Variants in BICRA observed in about 807,000 individuals in gnomAD.
BICRA encodes BRD4 interacting chromatin remodeling complex associated protein.
In BICRA, 31 loss-of-function variants were observed where a neutral mutation model predicts 96.9. That is an observed-to-expected ratio of 0.32 (90% CI 0.24 to 0.43). The LOEUF (loss-of-function observed/expected upper bound fraction) is 0.43. Ranked by LOEUF, BICRA falls within the 20% of genes least tolerant of loss-of-function variation. The probability of loss-of-function intolerance (pLI) is 1.00; values close to 1 mark genes in which losing one functional copy is unlikely to be tolerated. For missense variants in BICRA, 2,283 were observed against 2,190.3 expected, an observed-to-expected ratio of 1.04 and a Z score of -0.84; for synonymous variants, 1,350 against 1,071.8, an observed-to-expected ratio of 1.26 and a Z score of -5.07.
At chr19:47,610,481 G>C (rs1437681688) in intron 1 of BICRA, among the ~76,000 whole-genome samples, 1 of 152,146 alleles carries the variant, frequency 6.6e-6, no homozygotes, top group Non-Finnish European at 1.5e-5. Flanking sequence ...GGGAGGTGGG[G>C]TCAGAGGCCG....
intron 1 of BICRA, among the ~76,000 whole-genome samples, chr19:47,669,756 A>C (rs8106156): frequency 0.32 from 48,323 of 151,292 alleles, 9,697 homozygotes; most frequent in African/African-American, 0.57. Flanking sequence ...TCACGGGTTC[A>C]CGCGATTCTC....
At chr19:47,630,237 T>C (rs1972202748) in intron 1 of BICRA, among the ~76,000 whole-genome samples, 1 of 147,294 alleles carries the variant, frequency 6.8e-6, no homozygotes, top group Non-Finnish European at 1.5e-5. Flanking sequence ...CTCGGCTCAC[T>C]GCAAGCTCCG....
chr19:47,702,507 G>T lies in BICRA; in HGVS notation c.*92G>T, dbSNP rs1266262207. The T allele has an allele frequency of 2.2e-6, 3 of 1,357,644 alleles. No individual in the cohort carries two copies. Among genetic ancestry groups the T allele is most frequent in the African/African-American group, 1.5e-5 (1 of 64,760 alleles). The allele number at this position is 1,357,644 out of a possible 1,614,324, so 84.1% of individuals were successfully genotyped here. On this transcript the variant is annotated 3_prime_UTR_variant, in exon 15 of 15. Transcript: ENST00000594866. ...TCAGCCTCCTGGGGACTCGAGCCGG[G>T]GATCCCCTGACGGTTTTTCTTGCCT...
In BICRA at chr19:47,698,491, T is replaced by A. The variant is rs1351010640; in HGVS notation, c.3249-143T>A. 3 of 630,154 alleles carry A rather than the reference T, an allele frequency of 4.8e-6. No homozygotes were observed. The highest frequency in any genetic ancestry group is 8.6e-6 in the Non-Finnish European group (3 of 349,172). 39.0% of individuals were successfully genotyped at this position (630,154 alleles called of 1,614,324 possible). ...AGATGGAACAAGCACGTTCAGTACA[T>A]GGGAACACCACTGCCCAAGTATTCC... On this transcript the variant is annotated intron_variant, in intron 11 of 14. Transcript: ENST00000594866. The surrounding 1 kb of genome is among the most constrained non-coding windows in gnomAD (Gnocchi z 4.8).
intron 5 of BICRA, among the ~76,000 whole-genome samples, chr19:47,677,738 C>T (rs75804104): frequency 0.062 from 9,423 of 152,250 alleles, 404 homozygotes; most frequent in Non-Finnish European, 0.097. Context: ...ACTCACAGTG[C>T]GGTTGGCACA....
chr19:47,675,119 A>G lies in BICRA; in HGVS notation c.85-732A>G, dbSNP rs370109327. 2.6e-5 allele frequency among the ~76,000 whole-genome samples: 4 copies of G among 152,004 alleles called. No individual in the cohort carries two copies. The highest frequency in any genetic ancestry group is 4.4e-5 in the Non-Finnish European group (3 of 67,998). The stretch of plus-strand genomic sequence containing the variant: ...TGGTGGACTCGATGTTGAGGGGGAG[A>G]GAGTGTCCACCATGGCTCCTGGATT... On this transcript the variant is annotated intron_variant, in intron 4 of 14. Coordinates refer to ENST00000594866, the MANE Select transcript of BICRA (RefSeq NM_001394372.1). The surrounding 1 kb of genome is among the most constrained non-coding windows in gnomAD (Gnocchi z 4.7).
intron 1 of BICRA, among the ~76,000 whole-genome samples, chr19:47,625,381 C>T (rs537580261): frequency 9.9e-5 from 15 of 151,698 alleles, no homozygotes; most frequent in African/African-American, 3.6e-4. Flanking sequence ...ACTGTGGCCT[C>T]CAACTCTTTT....
At chr19:47,638,315 G>A (rs978882805) in intron 1 of BICRA, among the ~76,000 whole-genome samples, 1 of 152,148 alleles carries the variant, frequency 6.6e-6, no homozygotes, top group Admixed American at 6.5e-5. Flanking sequence ...TTCAGCTCCC[G>A]GGAAGGCATA....
intron 10 of BICRA, 52 bp from the exon 11 acceptor site, chr19:47,696,399 G>A: frequency 4.6e-6 from 7 of 1,513,360 alleles, no homozygotes; most frequent in Non-Finnish European, 6.3e-6. Context: ...GCTGGTCGGG[G>A]GAGGGAAGGC....
At chr19:47,678,879 C>CTT (rs1195002520) in intron 5 of BICRA, 3 of 179,264 alleles carry the variant, frequency 1.7e-5, no homozygotes, top group Non-Finnish European at 1.1e-5. Flanking sequence ...GTTCTTTTTT[C>CTT]TTTTTTTTTT....
chr19:47,679,342 G>T lies in BICRA; in HGVS notation c.172G>T (p.Gly58Cys). 2 of 1,423,466 alleles carry T rather than the reference G, an allele frequency of 1.4e-6. No individual in the cohort carries two copies. Among genetic ancestry groups the T allele is most frequent in the Non-Finnish European group, 9.2e-7 (1 of 1,087,286 alleles). 88.2% of individuals were successfully genotyped at this position (1,423,466 alleles called of 1,614,324 possible). A position where few individuals can be genotyped will look rare whatever the true frequency, so the allele number is the denominator to read the frequency against. The change falls in exon 6 of 15, where the codon GGC (glycine) becomes TGC (cysteine). Residue 58 changes from glycine (G) to cysteine (C), a missense_variant. By Grantham distance (159) the Gly-to-Cys change is radical. Transcript: ENST00000594866. ...GCAGCTCCATGTGCAAGAAGCTTCC[G>T]GCAACCACCTGAACCCAGAGCCCAA... ...GPGLHVQEAS[G>C]NHLNPEPNQP...
chr19:47,667,558 G>C (rs987799462), intron 1 of BICRA, among the ~76,000 whole-genome samples: 3 of 152,124 alleles, frequency 2.0e-5, no homozygotes, highest in Non-Finnish European at 4.4e-5. Context: ...TTGGGAGCTC[G>C]TGCACACCTT....
intron 1 of BICRA, among the ~76,000 whole-genome samples, chr19:47,670,190 G>A (rs578020699): frequency 6.6e-6 from 1 of 151,926 alleles, no homozygotes; most frequent in African/African-American, 2.4e-5. Flanking sequence ...CTGAGCTCCA[G>A]TGATACTCCT....
At position 47,699,306 on chromosome 19, in the gene BICRA, G is replaced by A. The variant is rs1165582900; in HGVS notation, c.3496G>A (p.Val1166Met). The A allele has an allele frequency of 1.9e-6, 3 of 1,553,608 alleles. No homozygotes were observed. The highest frequency in any genetic ancestry group is 1.9e-5 in the Admixed American group (1 of 51,950). The change falls in exon 14 of 15, where the codon GTG (valine) becomes ATG (methionine). Residue 1166 changes from valine (V) to methionine (M), a missense_variant. Val to Met is a conservative substitution (Grantham distance 21, BLOSUM62 1). Coordinates refer to ENST00000594866, the MANE Select transcript of BICRA (RefSeq NM_001394372.1). The surrounding 1 kb of genome is among the most constrained non-coding windows in gnomAD (Gnocchi z 5.0). ...RLLLLEESRRVSPSAEMVMID... is the reference protein window; with the variant it reads ...RLLLLEESRRMSPSAEMVMID... ...GTCGTCTTTTCCCCCACCCCAGAGG[G>A]TGAGCCCCTCAGCGGAGATGGTAAT...
intron 1 of BICRA, among the ~76,000 whole-genome samples, chr19:47,640,775 A>G (rs1191426846): frequency 1.3e-5 from 2 of 152,092 alleles, no homozygotes; most frequent in Non-Finnish European, 2.9e-5. Flanking sequence ...CAGGGTTCCT[A>G]GCTGCAAGAA....
intron 1 of BICRA, among the ~76,000 whole-genome samples, chr19:47,625,022 CAG>C (rs1972120276): frequency 1.0e-5 from 1 of 98,536 alleles, no homozygotes; most frequent in Non-Finnish European, 1.9e-5. Context: ...TTTTTTGAGA[CAG>C]AGTCTCACTC....
intron 1 of BICRA, among the ~76,000 whole-genome samples, chr19:47,613,958 G>A (rs1394662292): frequency 6.6e-6 from 1 of 151,764 alleles, no homozygotes. Flanking sequence ...CACAAGCAGA[G>A]AAGGCCTTTG....
At chr19:47,695,223 G>C in intron 9 of BICRA, 142 bp from the exon 10 acceptor site, 1 of 766,180 alleles carries the variant, frequency 1.3e-6, no homozygotes, top group South Asian at 1.7e-5. Flanking sequence ...AGGAAGGCCA[G>C]AGGTGGCAGG....
At chr19:47,658,172 G>A (rs1018657922) in intron 1 of BICRA, among the ~76,000 whole-genome samples, 3 of 152,134 alleles carry the variant, frequency 2.0e-5, no homozygotes, top group African/African-American at 7.2e-5. Flanking sequence ...GAAAGTTTCT[G>A]GCCAAGGAGC....
Sources: allele counts gnomAD v4.1 joint callset (sites outside exome capture counted in the v4.1 genomes callset), GRCh38; gene constraint gnomAD v4.1.1; non-coding constraint Gnocchi (gnomAD v3.1); transcripts MANE v1.5; gene names NCBI Gene and HGNC (gene_info 2026-07-23, HGNC 2026-07-21).